The following FNDC3A variants were observed in gnomAD, a reference collection of about 807,000 sequenced individuals.
FNDC3A encodes fibronectin type III domain containing 3A, also known as fibronectin type-III domain-containing protein 3A.
Under a neutral mutation model 148.9 loss-of-function variants are expected in FNDC3A, and 32 were observed. That is an observed-to-expected ratio of 0.21 (90% CI 0.16 to 0.29). The LOEUF is 0.29. FNDC3A is among the 10% of genes least tolerant of loss of function. FNDC3A has a pLI of 1.00. For missense variants in FNDC3A, 1,191 were observed against 1,452.8 expected, an observed-to-expected ratio of 0.82 and a Z score of 2.93; for synonymous variants, 472 against 473.6, an observed-to-expected ratio of 1.00 and a Z score of 0.04.
intron 3 of FNDC3A, among the ~76,000 whole-genome samples, chr13:49,101,416 A>G (rs2137838934): frequency 6.6e-6 from 1 of 152,298 alleles, no homozygotes; most frequent in Non-Finnish European, 1.5e-5. Context: ...AATATCAGAT[A>G]AAAATAGGTA....
chr13:49,153,513 T>A (rs1241969072), intron 8 of FNDC3A, among the ~76,000 whole-genome samples: 3 of 152,208 alleles, frequency 2.0e-5, no homozygotes, highest in African/African-American at 4.8e-5. Flanking sequence ...GCAGAAGGTC[T>A]TTAGTTTAAT....
intron 3 of FNDC3A, among the ~76,000 whole-genome samples, chr13:49,085,471 G>C (rs1256231083): frequency 6.6e-6 from 1 of 152,100 alleles, no homozygotes; most frequent in Admixed American, 6.5e-5. Flanking sequence ...CTAGTAACCT[G>C]CTCTGATATC....
chr13:49,013,245 G>A (rs1176049247), intron 2 of FNDC3A, among the ~76,000 whole-genome samples: 1 of 152,062 alleles, frequency 6.6e-6, no homozygotes, highest in Non-Finnish European at 1.5e-5. Flanking sequence ...AGCCTGGGGG[G>A]TTGAGTCTGC....
At chr13:49,008,158 G>C (rs940991269) in intron 2 of FNDC3A, among the ~76,000 whole-genome samples, 1 of 152,120 alleles carries the variant, frequency 6.6e-6, no homozygotes, top group African/African-American at 2.4e-5. Flanking sequence ...AGATATCCCA[G>C]TCAGGATTTC....
chr13:49,160,251 G>C (rs544789385), intron 8 of FNDC3A, among the ~76,000 whole-genome samples: 97 of 152,136 alleles, frequency 6.4e-4, no homozygotes, highest in Middle Eastern at 3.4e-3. Flanking sequence ...CTGGTCCTGG[G>C]CTTTTTTTGG....
At chr13:49,096,559 A>C (rs778549207) in intron 3 of FNDC3A, among the ~76,000 whole-genome samples, 5 of 152,086 alleles carry the variant, frequency 3.3e-5, no homozygotes, top group Non-Finnish European at 7.4e-5. Context: ...GAAGTTTCTC[A>C]CTTCTTTTGT....
intron 2 of FNDC3A, among the ~76,000 whole-genome samples, chr13:49,068,341 G>A (rs1877407087): frequency 6.6e-6 from 1 of 151,880 alleles, no homozygotes; most frequent in South Asian, 2.1e-4. Flanking sequence ...TCCAGCCCAG[G>A]AAACAGAGTG....
intron 8 of FNDC3A, among the ~76,000 whole-genome samples, chr13:49,160,525 C>T (rs1378466859): frequency 6.6e-6 from 1 of 152,008 alleles, no homozygotes; most frequent in Non-Finnish European, 1.5e-5. Flanking sequence ...CTTTATTAGT[C>T]TTGCTAGCGG....
At chr13:49,101,761 T>C (rs1009560799) in intron 3 of FNDC3A, among the ~76,000 whole-genome samples, 2 of 151,834 alleles carry the variant, frequency 1.3e-5, no homozygotes, top group Non-Finnish European at 1.5e-5. Flanking sequence ...ATTTTATATA[T>C]GGTAGAAGTC....
chr13:49,042,949 G>A (rs781207179), intron 2 of FNDC3A, among the ~76,000 whole-genome samples: 4 of 151,668 alleles, frequency 2.6e-5, no homozygotes, highest in Non-Finnish European at 5.9e-5. Context: ...AACTTTTACA[G>A]ACATTTTCTG....
chr13:48,985,380 G>A (rs1951769565), intron 1 of FNDC3A, among the ~76,000 whole-genome samples: 1 of 152,160 alleles, frequency 6.6e-6, no homozygotes, highest in Non-Finnish European at 1.5e-5. Flanking sequence ...TCCTGAGCCA[G>A]AAGTTTTATT....
intron 1 of FNDC3A, among the ~76,000 whole-genome samples, chr13:49,003,608 A>AATT (rs777395057): frequency 6.6e-5 from 10 of 152,266 alleles, no homozygotes; most frequent in Non-Finnish European, 1.5e-4. Context: ...CCTGTTTAAG[A>AATT]AATCTTTCTC....
At chr13:49,097,282 T>C (rs1479842335) in intron 3 of FNDC3A, among the ~76,000 whole-genome samples, 1 of 151,786 alleles carries the variant, frequency 6.6e-6, no homozygotes, top group Non-Finnish European at 1.5e-5. Context: ...AGTTTTTATA[T>C]TTTCCAAATA....
chr13:49,013,545 TGTGTATACATATGTACAC>T (rs1353748261), intron 2 of FNDC3A, among the ~76,000 whole-genome samples: 3 of 151,646 alleles, frequency 2.0e-5, no homozygotes, highest in African/African-American at 4.8e-5. Flanking sequence ...TACGTGTACA[TGTGTATACATATGTACAC>T]GTGTATACAT....
rs1266900366 is a variant in FNDC3A, at chr13:49,168,602, T to C, written c.1038-11T>C. The stretch of plus-strand genomic sequence containing the variant: ...TTATGAAAGGTAAAACTATTTATTT[T>C]ATCACCATAGAGTCCAGGCAGAATA... On this transcript the variant is annotated splice_polypyrimidine_tract_variant and intron_variant, in intron 9 of 25. Coordinates refer to ENST00000492622, the MANE Select transcript of FNDC3A (RefSeq NM_001079673.2). 1 of 1,597,800 alleles carries C rather than the reference T, an allele frequency of 6.3e-7. No homozygotes were observed. Among genetic ancestry groups the C allele is most frequent in the Non-Finnish European group, 8.6e-7 (1 of 1,167,984 alleles).
At chr13:49,055,885 C>A (rs535232527) in intron 2 of FNDC3A, among the ~76,000 whole-genome samples, 14 of 152,204 alleles carry the variant, frequency 9.2e-5, no homozygotes, top group African/African-American at 2.9e-4. Flanking sequence ...CAGAATATAT[C>A]TTTTCAAATA....
chr13:49,071,917 T>C (rs1217304581), intron 2 of FNDC3A, among the ~76,000 whole-genome samples: 1 of 152,188 alleles, frequency 6.6e-6, no homozygotes, highest in East Asian at 1.9e-4. Context: ...GCTCAAGTGA[T>C]TCTCCTGCCT....
At chr13:49,105,305 C>A (rs779316302) in intron 3 of FNDC3A, among the ~76,000 whole-genome samples, 6 of 152,150 alleles carry the variant, frequency 3.9e-5, no homozygotes, top group Non-Finnish European at 8.8e-5. Flanking sequence ...AACTAACATT[C>A]ACAAAACCCT....
chr13:49,057,727 A>G (rs1876356448), intron 2 of FNDC3A, among the ~76,000 whole-genome samples: 1 of 152,096 alleles, frequency 6.6e-6, no homozygotes, highest in Admixed American at 6.6e-5. Flanking sequence ...AACCAATATC[A>G]AACTAAGCAT....
Sources: gnomAD v4.1 joint callset for allele counts (sites outside exome capture counted in the v4.1 genomes callset) on GRCh38, gnomAD v4.1.1 for gene constraint, MANE v1.5 for transcripts, NCBI Gene and HGNC (gene_info 2026-07-23, HGNC 2026-07-21) for gene names.